The following HIVEP2 variants were observed in gnomAD, a reference collection of about 807,000 sequenced individuals.
The protein encoded by HIVEP2 is HIVEP zinc finger 2.
In HIVEP2, 14 loss-of-function variants were observed where a neutral mutation model predicts 180.7. The ratio of observed to expected loss-of-function variants is 0.08; its 90% CI spans 0.05 to 0.12. The LOEUF (loss-of-function observed/expected upper bound fraction) is 0.12, where lower values mean the gene tolerates loss of function less well. Ranked by LOEUF, HIVEP2 falls within the 10% of genes least tolerant of loss-of-function variation. HIVEP2 has a pLI of 1.00. For synonymous variants in HIVEP2, 1,184 were observed against 1,136.4 expected (o/e 1.04, Z -0.84); for missense variants, 2,579 against 3,008.5 (o/e 0.86, Z 3.34).
intron 1 of HIVEP2, among the ~76,000 whole-genome samples, chr6:142,896,528 A>G (rs748829587): frequency 7.2e-5 from 11 of 152,206 alleles, no homozygotes; most frequent in Admixed American, 2.0e-4. Context: ...CTCTCATTCC[A>G]GGATGCTCTG....
chr6:142,868,020 T>C (rs1776184339), intron 1 of HIVEP2, among the ~76,000 whole-genome samples: 1 of 152,160 alleles, frequency 6.6e-6, no homozygotes. Context: ...CTGGCATAGA[T>C]TAGAAACAGA....
At chr6:142,878,366 C>A (rs1378506968) in intron 1 of HIVEP2, among the ~76,000 whole-genome samples, 1 of 152,174 alleles carries the variant, frequency 6.6e-6, no homozygotes, top group African/African-American at 2.4e-5. Context: ...CGATTCACAG[C>A]TAAATGGCAA....
intron 2 of HIVEP2, among the ~76,000 whole-genome samples, chr6:142,816,298 A>C (rs1776832351): frequency 6.6e-6 from 1 of 152,206 alleles, no homozygotes; most frequent in Non-Finnish European, 1.5e-5. Context: ...ACAGCCAATG[A>C]TTTATTTAGC....
At chr6:142,848,683 A>G (rs1775576424) in intron 1 of HIVEP2, among the ~76,000 whole-genome samples, 1 of 152,066 alleles carries the variant, frequency 6.6e-6, no homozygotes, top group Non-Finnish European at 1.5e-5. Context: ...TGATTGTGCC[A>G]CTGCACTCCA....
intron 1 of HIVEP2, among the ~76,000 whole-genome samples, chr6:142,913,842 C>T (rs2128431300): frequency 1.3e-5 from 2 of 152,322 alleles, no homozygotes; most frequent in Middle Eastern, 6.8e-3. Flanking sequence ...CGTCAACATT[C>T]CAGATTGATA....
chr6:142,908,615 T>G lies in HIVEP2; in HGVS notation c.-641+36484A>C, dbSNP rs142104047. On this transcript the variant is annotated intron_variant, in intron 1 of 9. Transcript: ENST00000367603. ...AAGAAAATACAGATGACTTTGGAAC[T>G]AGAAAAATTTAAAGGAGTGATTTAG... Among the ~76,000 whole-genome samples, 5 of 152,228 alleles carry G rather than the reference T, an allele frequency of 3.3e-5. No individual in the cohort carries two copies. The East Asian group carries it at 9.7e-4, about 29-fold the overall frequency.
At chr6:142,829,183 C>A (rs1056414233) in intron 2 of HIVEP2, among the ~76,000 whole-genome samples, 1 of 152,186 alleles carries the variant, frequency 6.6e-6, no homozygotes, top group African/African-American at 2.4e-5. Flanking sequence ...GCCTACCAAA[C>A]TGATGTGCTA....
chr6:142,765,701 T>C (rs1453968039), intron 6 of HIVEP2, among the ~76,000 whole-genome samples: 1 of 152,232 alleles, frequency 6.6e-6, no homozygotes, highest in Admixed American at 6.5e-5. Flanking sequence ...AAGGGTTTCA[T>C]AGAGATGTTT....
At chr6:142,906,164 G>A (rs1777259800) in intron 1 of HIVEP2, among the ~76,000 whole-genome samples, 1 of 151,886 alleles carries the variant, frequency 6.6e-6, no homozygotes. Context: ...AATAATCAGA[G>A]AACAACACTA....
At chr6:142,787,447 T>C (rs1233953277) in intron 2 of HIVEP2, among the ~76,000 whole-genome samples, 2 of 150,170 alleles carry the variant, frequency 1.3e-5, no homozygotes, top group East Asian at 1.9e-4. Flanking sequence ...TAGTAGGGAA[T>C]AGAAAAGATT....
chr6:142,792,618 T>C (rs992175737), intron 2 of HIVEP2, among the ~76,000 whole-genome samples: 1 of 151,982 alleles, frequency 6.6e-6, no homozygotes, highest in African/African-American at 2.4e-5. Context: ...ATGCGGGGCT[T>C]AAAACCTAGA....
intron 1 of HIVEP2, among the ~76,000 whole-genome samples, chr6:142,888,709 C>A (rs1002485632): frequency 6.6e-6 from 1 of 152,132 alleles, no homozygotes; most frequent in Non-Finnish European, 1.5e-5. Flanking sequence ...ATCCTTAACT[C>A]CTCCTTAAAC....
At chr6:142,765,328 A>C (rs1775354920) in intron 6 of HIVEP2, among the ~76,000 whole-genome samples, 1 of 152,234 alleles carries the variant, frequency 6.6e-6, no homozygotes, top group African/African-American at 2.4e-5. Context: ...CAATCAAGGG[A>C]CATACAAAAA....
intron 1 of HIVEP2, among the ~76,000 whole-genome samples, chr6:142,886,748 A>T (rs1478425735): frequency 6.6e-6 from 1 of 152,190 alleles, no homozygotes; most frequent in Non-Finnish European, 1.5e-5. Flanking sequence ...TATCTTGCCC[A>T]CACAAATGGC....
At chr6:142,844,792 C>T (rs934033207) in intron 1 of HIVEP2, among the ~76,000 whole-genome samples, 1 of 152,132 alleles carries the variant, frequency 6.6e-6, no homozygotes, top group Non-Finnish European at 1.5e-5. Flanking sequence ...CATGCAAACA[C>T]TCACTAGTGA....
chr6:142,818,777 GAAAGAAAGAAAGAAAA>G (rs1227841385), intron 2 of HIVEP2, among the ~76,000 whole-genome samples: 5 of 131,476 alleles, frequency 3.8e-5, no homozygotes, highest in Non-Finnish European at 6.5e-5. Flanking sequence ...AAGAAAGAAA[GAAAGAAAGAAAGAAAA>G]AGAAAAGAAA....
intron 2 of HIVEP2, among the ~76,000 whole-genome samples, chr6:142,793,764 C>T (rs1192393635): frequency 3.3e-5 from 5 of 151,222 alleles, no homozygotes; most frequent in African/African-American, 1.2e-4. Flanking sequence ...GCTAAAGTGC[C>T]TCCCTCTGCC....
chr6:142,798,636 T>C (rs1005290076), intron 2 of HIVEP2, among the ~76,000 whole-genome samples: 1 of 152,112 alleles, frequency 6.6e-6, no homozygotes, highest in Admixed American at 6.6e-5. Flanking sequence ...TGAGAAGAGA[T>C]TATGCTCCTA....
chr6:142,891,903 T>G (rs897908695), intron 1 of HIVEP2, among the ~76,000 whole-genome samples: 1 of 152,296 alleles, frequency 6.6e-6, no homozygotes, highest in East Asian at 1.9e-4. Flanking sequence ...TTCATTCTGT[T>G]TGTTTGTTTA....
Sources: allele counts gnomAD v4.1 joint callset (sites outside exome capture counted in the v4.1 genomes callset), GRCh38; gene constraint gnomAD v4.1.1; transcripts MANE v1.5; gene names NCBI Gene and HGNC (gene_info 2026-07-23, HGNC 2026-07-21).